Variants in GRIK2 observed in about 807,000 individuals in gnomAD.
GRIK2 encodes the protein glutamate receptor ionotropic, kainate 2.
A neutral mutation model predicts 100.3 loss-of-function variants in GRIK2; 32 were observed. The ratio of observed to expected loss-of-function variants is 0.32; its 90% confidence interval spans 0.24 to 0.43. The LOEUF (loss-of-function observed/expected upper bound fraction) is 0.43, where lower values mean the gene tolerates loss of function less well. Among genes scored for constraint, GRIK2 ranks in the 20% least tolerant of loss-of-function variants. GRIK2 has a pLI of 1.00. For missense variants in GRIK2, 843 were observed against 1,114.9 expected (o/e 0.76, Z 3.47); for synonymous variants, 417 against 389.4 (o/e 1.07, Z -0.83).
chr6:101,909,378 T>TTTTTTTTTTTTTG (rs774868812), intron 12 of GRIK2, among the ~76,000 whole-genome samples: 1 of 120,352 alleles, frequency 8.3e-6, no homozygotes, highest in Non-Finnish European at 1.8e-5. Flanking sequence ...AGGGTTTTCT[T>TTTTTTTTTTTTTG]TTTCTTTTTT....
At chr6:101,625,975 A>G (rs1257276603) in intron 3 of GRIK2, among the ~76,000 whole-genome samples, 2 of 152,182 alleles carry the variant, frequency 1.3e-5, no homozygotes, top group African/African-American at 4.8e-5. Flanking sequence ...AGGGGGAACC[A>G]TGTGGCTTTT....
chr6:101,417,887 T>C (rs1186676447), intron 2 of GRIK2, among the ~76,000 whole-genome samples: 3 of 152,210 alleles, frequency 2.0e-5, no homozygotes, highest in Non-Finnish European at 4.4e-5. Flanking sequence ...AATAAAGTCC[T>C]TGCATGTAGA....
intron 4 of GRIK2, among the ~76,000 whole-genome samples, chr6:101,661,761 G>A (rs888265359): frequency 1.3e-4 from 20 of 152,068 alleles, no homozygotes; most frequent in African/African-American, 4.8e-4. Flanking sequence ...CCCGTGTGAG[G>A]CGATGCCCCA....
chr6:101,575,056 A>G (rs771069260), intron 2 of GRIK2, among the ~76,000 whole-genome samples: 13 of 151,766 alleles, frequency 8.6e-5, no homozygotes, highest in African/African-American at 1.2e-4. Flanking sequence ...TATTTATTTA[A>G]TATTGTCATA....
intron 2 of GRIK2, among the ~76,000 whole-genome samples, chr6:101,538,023 C>G (rs188804919): frequency 2.5e-3 from 385 of 151,830 alleles, no homozygotes; most frequent in African/African-American, 8.8e-3. Context: ...GCCATAGAAA[C>G]AAGAATGTAT....
chr6:101,693,508 G>GA (rs1055785677), intron 7 of GRIK2, among the ~76,000 whole-genome samples: 5 of 151,754 alleles, frequency 3.3e-5, no homozygotes, highest in African/African-American at 1.2e-4. Context: ...AGACTAACAT[G>GA]AAAAAATAAC....
At chr6:101,567,521 T>A (rs1208322696) in intron 2 of GRIK2, among the ~76,000 whole-genome samples, 3 of 151,980 alleles carry the variant, frequency 2.0e-5, no homozygotes, top group Non-Finnish European at 4.4e-5. Context: ...ATAGCACATA[T>A]TTTCTTTATC....
At chr6:101,827,280 A>C (rs2128426189) in intron 10 of GRIK2, among the ~76,000 whole-genome samples, 1 of 152,098 alleles carries the variant, frequency 6.6e-6, no homozygotes, top group African/African-American at 2.4e-5. Flanking sequence ...CCTTTGCTTA[A>C]TAGACTTGAG....
chr6:101,584,547 AT>A (rs972202643), intron 2 of GRIK2, among the ~76,000 whole-genome samples: 6 of 152,074 alleles, frequency 3.9e-5, no homozygotes, highest in African/African-American at 1.4e-4. Context: ...ATATAGGACT[AT>A]TTGAGGAACA....
Position 101,818,426 on chromosome 6 carries a change from G to A in GRIK2, c.1260G>A (p.Lys420=). The part of the protein sequence containing the change: ...GLNMTESQKG[K]PANITDSLSN... ...ATATGACAGAAAGTCAAAAGGGAAA[G>A]CCAGCGAACATCACAGATTCCTTAT... Residue 420 remains lysine (K), a synonymous_variant, in exon 10 of 17, where the codon AAG becomes AAA. Coordinates refer to ENST00000369134, the MANE Select transcript of GRIK2 (RefSeq NM_021956.5). 4 of 1,612,546 alleles carry A rather than the reference G, an allele frequency of 2.5e-6. No individual in the cohort carries two copies. Among genetic ancestry groups the A allele is most frequent in the Non-Finnish European group, 3.4e-6 (4 of 1,178,684 alleles).
At chr6:101,966,097 C>T (rs1219189844) in intron 14 of GRIK2, among the ~76,000 whole-genome samples, 1 of 152,056 alleles carries the variant, frequency 6.6e-6, no homozygotes, top group African/African-American at 2.4e-5. Flanking sequence ...ATTTTCTCCT[C>T]ATCAGAAAAT....
chr6:101,906,885 C>T (rs375505358), intron 12 of GRIK2, among the ~76,000 whole-genome samples: 2 of 151,854 alleles, frequency 1.3e-5, no homozygotes, highest in African/African-American at 4.8e-5. Context: ...TTGTTGATTG[C>T]TATTTTTCCT....
At chr6:101,403,432 A>G (rs377331961) in intron 2 of GRIK2, among the ~76,000 whole-genome samples, 29 of 152,280 alleles carry the variant, frequency 1.9e-4, no homozygotes, top group African/African-American at 6.7e-4. Context: ...GGCACTGCAC[A>G]CTGACCACCT....
At chr6:102,005,005 T>G (rs1340097157) in intron 14 of GRIK2, among the ~76,000 whole-genome samples, 3 of 151,834 alleles carry the variant, frequency 2.0e-5, no homozygotes, top group Admixed American at 6.6e-5. Context: ...GTAGCCTATA[T>G]TTATTAATAC....
At position 101,876,498 on chromosome 6, in the gene GRIK2, C is replaced by G. The variant is rs879671982; in HGVS notation, c.1525-13142C>G. On this transcript the variant is annotated intron_variant, in intron 11 of 16. Coordinates refer to ENST00000369134, the MANE Select transcript of GRIK2 (RefSeq NM_021956.5). ...AAACAAAAACAAACACACACACACA[C>G]ACACACACACACACACACACAAAAC... Among the ~76,000 whole-genome samples the G allele has an allele frequency of 2.1e-3, 326 of 151,672 alleles. 1 individual carries two copies. The highest frequency in any genetic ancestry group is 7.1e-3 in the South Asian group (34 of 4,802).
chr6:101,471,076 T>C (rs192514825), intron 2 of GRIK2, among the ~76,000 whole-genome samples: 39 of 152,220 alleles, frequency 2.6e-4, no homozygotes, highest in Middle Eastern at 3.4e-3. Flanking sequence ...TTCACTTTTT[T>C]CTCTTAATGT....
At position 101,938,844 on chromosome 6, in the gene GRIK2, G is replaced by C. The variant is rs117781174; in HGVS notation, c.2085+10212G>C. 1.7e-3 allele frequency among the ~76,000 whole-genome samples: 264 copies of C among 152,076 alleles called. 1 individual carries two copies. The highest frequency in any genetic ancestry group is 3.3e-3 in the Non-Finnish European group (227 of 67,912). ...CTATTTAGAGAAAGAATAGTTCAGGGTTGGCGATAAAATGTACTTTTACAT... is the reference window on the plus strand; with the variant it reads ...CTATTTAGAGAAAGAATAGTTCAGGCTTGGCGATAAAATGTACTTTTACAT... On this transcript the variant is annotated intron_variant, in intron 14 of 16. Coordinates refer to ENST00000369134, the MANE Select transcript of GRIK2 (RefSeq NM_021956.5).
intron 10 of GRIK2, among the ~76,000 whole-genome samples, chr6:101,833,706 G>C (rs984669304): frequency 6.6e-5 from 10 of 151,804 alleles, no homozygotes; most frequent in Non-Finnish European, 1.0e-4. Context: ...ATTAATTTTT[G>C]AATGGCAAAA....
chr6:101,689,116 A>G (rs1248349468), intron 7 of GRIK2, among the ~76,000 whole-genome samples: 1 of 152,064 alleles, frequency 6.6e-6, no homozygotes, highest in African/African-American at 2.4e-5. Flanking sequence ...AAAGAAATTA[A>G]TAAGCTGTTT....
Sources: gnomAD v4.1 joint callset for allele counts (sites outside exome capture counted in the v4.1 genomes callset) on GRCh38, gnomAD v4.1.1 for gene constraint, MANE v1.5 for transcripts, NCBI Gene and HGNC (gene_info 2026-07-23, HGNC 2026-07-21) for gene names.